Variants in DHRSX observed in about 807,000 individuals in gnomAD.
The protein encoded by DHRSX is dehydrogenase/reductase X-linked.
In DHRSX, 31 loss-of-function variants were observed where a neutral mutation model predicts 34.0. The observed-to-expected ratio is 0.91, with a 90% CI of 0.69 to 1.23. The LOEUF is 1.23. DHRSX is among the 50% of genes most tolerant of loss of function. DHRSX has a pLI of 0.00. For missense variants in DHRSX, 414 were observed against 428.1 expected (o/e 0.97, Z 0.29); for synonymous variants, 201 against 183.8 (o/e 1.09, Z -0.76).
intron 3 of DHRSX, among the ~76,000 whole-genome samples, chrX:2,326,646 T>C (rs2042389616): frequency 6.6e-6 from 1 of 152,066 alleles, no homozygotes; most frequent in African/African-American, 2.4e-5. Context: ...AATATCCAGT[T>C]GTGTGTTATT....
intron 1 of DHRSX, among the ~76,000 whole-genome samples, chrX:2,479,481 TACGGGACCACCGTGTACGC>T (rs1236380261): frequency 6.6e-6 from 1 of 150,984 alleles, no homozygotes; most frequent in Non-Finnish European, 1.5e-5. Flanking sequence ...AGCATGTGGC[TACGGGACCACCGTGTACGC>T]ACTGAAGACA....
intron 3 of DHRSX, among the ~76,000 whole-genome samples, chrX:2,370,623 A>T (rs190354506): frequency 0.019 from 2,821 of 147,120 alleles, 95 homozygotes; most frequent in African/African-American, 0.067. Context: ...CTTCCTCATT[A>T]CTCACAGATG....
chrX:2,262,343 G>A (rs1340682449), intron 5 of DHRSX, among the ~76,000 whole-genome samples: 2 of 152,274 alleles, frequency 1.3e-5, no homozygotes, highest in South Asian at 2.1e-4. Context: ...CGTCACCTGC[G>A]CACACTGGCA....
At chrX:2,322,555 C>CAAAAAAAAAAAAAAA (rs752649879) in intron 3 of DHRSX, among the ~76,000 whole-genome samples, 1 of 123,198 alleles carries the variant, frequency 8.1e-6, no homozygotes, top group African/African-American at 3.0e-5. Flanking sequence ...AACTCCATCT[C>CAAAAAAAAAAAAAAA]AAAAAAAAAA....
chrX:2,275,033 G>A (rs1386396442), intron 4 of DHRSX, among the ~76,000 whole-genome samples: 5 of 152,076 alleles, frequency 3.3e-5, no homozygotes, highest in South Asian at 2.1e-4. Flanking sequence ...ACGGAAGTCC[G>A]AAATGCAGAA....
intron 3 of DHRSX, among the ~76,000 whole-genome samples, chrX:2,382,888 CCATCACCAT>C (rs912852030): frequency 2.0e-5 from 3 of 148,332 alleles, no homozygotes; most frequent in Non-Finnish European, 3.0e-5. Flanking sequence ...ATCATCACCA[CCATCACCAT>C]CATCACCATC....
intron 4 of DHRSX, among the ~76,000 whole-genome samples, chrX:2,272,090 C>G (rs1250195649): frequency 6.6e-6 from 1 of 151,884 alleles, no homozygotes; most frequent in Non-Finnish European, 1.5e-5. Context: ...CAACTCACAA[C>G]TGCAAACATA....
chrX:2,447,153 G>C (rs750670116), intron 1 of DHRSX, among the ~76,000 whole-genome samples: 3 of 150,024 alleles, frequency 2.0e-5, no homozygotes, highest in South Asian at 4.3e-4. Context: ...CACTGAAGAC[G>C]TTCCCTAAGC....
intron 4 of DHRSX, among the ~76,000 whole-genome samples, chrX:2,288,157 GAA>G (rs1395099889): frequency 6.6e-6 from 1 of 151,920 alleles, no homozygotes. Flanking sequence ...ATGAGAGAGA[GAA>G]AGAGAGAGAA....
chrX:2,238,551 G>A (rs1170801193), intron 6 of DHRSX, among the ~76,000 whole-genome samples: 5 of 151,542 alleles, frequency 3.3e-5, no homozygotes, highest in Non-Finnish European at 5.9e-5. Flanking sequence ...TCTCCCCAGG[G>A]ACCCTGGACA....
chrX:2,232,047 T>TTTTC (rs2015905902), intron 6 of DHRSX, among the ~76,000 whole-genome samples: 3 of 149,784 alleles, frequency 2.0e-5, no homozygotes, highest in South Asian at 2.1e-4. Flanking sequence ...CTTTTTCTCT[T>TTTTC]TCTATCCCTC....
intron 3 of DHRSX, among the ~76,000 whole-genome samples, chrX:2,332,065 G>T (rs1310809650): frequency 6.6e-6 from 1 of 152,132 alleles, no homozygotes; most frequent in African/African-American, 2.4e-5. Context: ...AATGGTGTAT[G>T]GATACACCAC....
chrX:2,426,269 T>C (rs1162383270), intron 1 of DHRSX, among the ~76,000 whole-genome samples: 1 of 152,180 alleles, frequency 6.6e-6, no homozygotes. Flanking sequence ...CACTTGAATT[T>C]CTGGTTAAGA....
intron 4 of DHRSX, among the ~76,000 whole-genome samples, chrX:2,272,188 T>G (rs967851322): frequency 6.6e-6 from 1 of 151,996 alleles, no homozygotes; most frequent in Non-Finnish European, 1.5e-5. Flanking sequence ...TTGCTGTGGG[T>G]GGACGGGAAG....
At chrX:2,310,150 T>G (rs1483643580) in intron 3 of DHRSX, among the ~76,000 whole-genome samples, 2 of 152,044 alleles carry the variant, frequency 1.3e-5, no homozygotes, top group African/African-American at 4.8e-5. Context: ...CCCGCACTTG[T>G]GGGTAGCAAC....
At chrX:2,319,395 T>G (rs1332067492) in intron 3 of DHRSX, among the ~76,000 whole-genome samples, 2 of 151,678 alleles carry the variant, frequency 1.3e-5, no homozygotes, top group Admixed American at 1.3e-4. Context: ...ATACAAAAAT[T>G]AGCCAGGTGT....
intron 5 of DHRSX, among the ~76,000 whole-genome samples, chrX:2,258,376 T>G (rs1274032449): frequency 6.7e-6 from 1 of 149,952 alleles, no homozygotes; most frequent in Non-Finnish European, 1.5e-5. Context: ...GATCTCAAAC[T>G]TCTAGCGTCC....
At chrX:2,336,784 T>C (rs1225131921) in intron 3 of DHRSX, among the ~76,000 whole-genome samples, 1 of 152,092 alleles carries the variant, frequency 6.6e-6, no homozygotes, top group Non-Finnish European at 1.5e-5. Flanking sequence ...ATAAACTTGT[T>C]GTGGCTTTAA....
chrX:2,302,137 G>A (rs1372970016), intron 3 of DHRSX, among the ~76,000 whole-genome samples: 2 of 152,168 alleles, frequency 1.3e-5, no homozygotes, highest in South Asian at 2.1e-4. Context: ...TCAGCCAAAC[G>A]TGGCAGCCAA....
Sources: gnomAD v4.1 joint callset for allele counts (sites outside exome capture counted in the v4.1 genomes callset) on GRCh38, gnomAD v4.1.1 for gene constraint, MANE v1.5 for transcripts, NCBI Gene and HGNC (gene_info 2026-07-23, HGNC 2026-07-21) for gene names.